Variants in RNF44 observed in about 807,000 individuals in gnomAD.
RNF44 encodes ring finger protein 44.
In RNF44, 25 loss-of-function variants were observed where a neutral mutation model predicts 53.6. The observed-to-expected ratio is 0.47, with a 90% CI of 0.34 to 0.65. The LOEUF is 0.65. Among genes scored for constraint, RNF44 ranks in the 30% least tolerant of loss-of-function variants. RNF44 has a pLI of 0.01. For synonymous variants in RNF44, 282 were observed against 252.2 expected (o/e 1.12, Z -1.12); for missense variants, 581 against 595.5 (o/e 0.98, Z 0.25).
chr5:176,535,198 T>C (rs1415886431), intron 1 of RNF44, among the ~76,000 whole-genome samples: 1 of 152,200 alleles, frequency 6.6e-6, no homozygotes, highest in Admixed American at 6.5e-5. Flanking sequence ...AGCCTCAGTA[T>C]CTTCATCTGT....
chr5:176,533,523 G>A (rs887153557), intron 1 of RNF44, among the ~76,000 whole-genome samples: 1 of 152,180 alleles, frequency 6.6e-6, no homozygotes, highest in African/African-American at 2.4e-5. Flanking sequence ...CCAGCCCCAG[G>A]CTTCATGGGA....
intron 1 of RNF44, among the ~76,000 whole-genome samples, chr5:176,532,763 A>AG (rs1554138175): frequency 1.4e-5 from 2 of 141,886 alleles, no homozygotes; most frequent in African/African-American, 2.8e-5. Context: ...AAAAAAAAAA[A>AG]AAAGAAAGAA....
chr5:176,529,934 G>C, intron 7 of RNF44, 116 bp from the exon 8 acceptor site: 1 of 1,382,834 alleles, frequency 7.2e-7, no homozygotes, highest in Non-Finnish European at 9.7e-7. Flanking sequence ...GGGGAAGGGA[G>C]CCCAGCTGGC....
chr5:176,542,718 G>C (rs1757478924), upstream of RNF44: 1 of 152,258 alleles, frequency 6.6e-6, no homozygotes, highest in Admixed American at 6.5e-5. Flanking sequence ...GTGACCTTGG[G>C]CAAGACACGG....
At chr5:176,542,590 G>T (rs539424259), upstream of RNF44, 2 of 152,312 alleles carry the variant, frequency 1.3e-5, no homozygotes, top group African/African-American at 4.8e-5. Flanking sequence ...GATCGAGGAA[G>T]ACAAGTCTAC....
At chr5:176,536,287 G>A (rs1397175498) in intron 1 of RNF44, 3 of 152,340 alleles carry the variant, frequency 2.0e-5, no homozygotes, top group Non-Finnish European at 2.9e-5. Context: ...CGCCTCAGTT[G>A]GCACAGCTAT....
rs1757272943 is a variant in RNF44, at chr5:176,537,119, T to G, written c.-224A>C. ...GGGCAGCCCGGCTCCTTCCGGGGCCTCTCTCTTTGTTGTCCGCCCGACGGC... is the reference window on the plus strand; with the variant it reads ...GGGCAGCCCGGCTCCTTCCGGGGCCGCTCTCTTTGTTGTCCGCCCGACGGC... On this transcript the variant is annotated 5_prime_UTR_variant, in exon 1 of 11. Coordinates refer to ENST00000274811, the MANE Select transcript of RNF44 (RefSeq NM_014901.5). 1 of 151,938 alleles carries G rather than the reference T, an allele frequency of 6.6e-6. No homozygotes were observed. The highest frequency in any genetic ancestry group is 6.6e-5 in the Admixed American group (1 of 15,264). 9.4% of individuals were successfully genotyped at this position (151,938 alleles called of 1,614,324 possible). A position where few individuals can be genotyped will look rare whatever the true frequency, so the allele number is the denominator to read the frequency against.
intron 6 of RNF44, 63 bp downstream of exon 6, chr5:176,530,519 C>G: frequency 7.4e-7 from 1 of 1,355,202 alleles, no homozygotes; most frequent in Non-Finnish European, 9.5e-7. Flanking sequence ...AGATGCAGGT[C>G]GGCCCAGCGG....
Position 176,532,440 on chromosome 5 carries a change from C to T in RNF44, c.33G>A (p.Trp11Ter), listed in dbSNP as rs989447147. The T allele has an allele frequency of 6.2e-7, 1 of 1,604,822 alleles. No homozygotes were observed. Among genetic ancestry groups the T allele is most frequent in the Non-Finnish European group, 8.5e-7 (1 of 1,178,172 alleles). Residue 11 changes from tryptophan (W) to a stop codon, truncating the protein, a stop_gained, in exon 2 of 11, where the codon TGG becomes TGA. Coordinates refer to ENST00000274811, the MANE Select transcript of RNF44 (RefSeq NM_014901.5). LOFTEE classifies it high-confidence loss of function. MRPWALAVTR[W>*]PPSAPVGQRR... Reference sequence around the variant, plus strand: ...GCTGGCCCACGGGGGCGGAGGGTGGCCACCTAGTCACTGCCAGAGCCCATG... The same window carrying T: ...GCTGGCCCACGGGGGCGGAGGGTGGTCACCTAGTCACTGCCAGAGCCCATG...
chr5:176,528,927 A>AT lies in RNF44; in HGVS notation c.*100_*101insA. ...GCTCTGGAAATGCAGGCAGGAGCGA[A>AT]GGGGCAGGCCTGGGCCACTCCCTCC... On this transcript the variant is annotated 3_prime_UTR_variant, in exon 11 of 11. Coordinates refer to ENST00000274811, the MANE Select transcript of RNF44 (RefSeq NM_014901.5). The AT allele has an allele frequency of 8.9e-7, 1 of 1,122,870 alleles. No individual in the cohort carries two copies. The highest frequency in any genetic ancestry group is 1.3e-6 in the Non-Finnish European group (1 of 782,256). 69.6% of individuals were successfully genotyped at this position (1,122,870 alleles called of 1,614,324 possible).
the RNF44 span, among the ~76,000 whole-genome samples, chr5:176,543,374 G>C: frequency 1.3e-5 from 2 of 149,562 alleles, no homozygotes; most frequent in Admixed American, 1.3e-4. This position sits in a 1 kb window ranked among gnomAD's most constrained non-coding sequence, Gnocchi z 4.0. Context: ...GCCCCTCTCC[G>C]GCCCGGTGCA....
At position 176,528,813 on chromosome 5, in the gene RNF44, A is replaced by G. The variant is rs890834; in HGVS notation, c.*215T>C. ...TCAGGCAGCTCCGTGGCGGGCGGGCAGGCAGGCAGACTAGGGAGGGAGTCT... is the reference window on the plus strand; with the variant it reads ...TCAGGCAGCTCCGTGGCGGGCGGGCGGGCAGGCAGACTAGGGAGGGAGTCT... On this transcript the variant is annotated 3_prime_UTR_variant, in exon 11 of 11. Coordinates refer to ENST00000274811, the MANE Select transcript of RNF44 (RefSeq NM_014901.5). 0.87 allele frequency: 504,835 copies of G among 578,644 alleles called. 221,459 individuals carry two copies. The highest frequency in any genetic ancestry group is 0.96 in the African/African-American group (50,838 of 53,092). 35.8% of individuals were successfully genotyped at this position (578,644 alleles called of 1,614,324 possible). A position where few individuals can be genotyped will look rare whatever the true frequency, so the allele number is the denominator to read the frequency against.
chr5:176,541,788 G>C (rs1581122017), upstream of RNF44, among the ~76,000 whole-genome samples: 1 of 152,170 alleles, frequency 6.6e-6, no homozygotes, highest in Non-Finnish European at 1.5e-5. Flanking sequence ...TCCCTCCAAA[G>C]AGGCAGGGCC....
Position 176,530,527 on chromosome 5 carries a change from C to CG in RNF44, c.801+54dup, listed in dbSNP as rs1756547506. The CG allele has an allele frequency of 2.9e-6, 4 of 1,367,752 alleles. No individual in the cohort carries two copies. In the South Asian group the frequency reaches 5.4e-5, roughly 18 times the overall value. 84.7% of individuals were successfully genotyped at this position (1,367,752 alleles called of 1,614,324 possible). On this transcript the variant is annotated intron_variant, in intron 6 of 10. Coordinates refer to ENST00000274811, the MANE Select transcript of RNF44 (RefSeq NM_014901.5). The stretch of plus-strand genomic sequence containing the variant: ...GGAGCCCAGATGCAGGTCGGCCCAG[C>CG]GGGTCTGCCTCCCAGCTGCCCTGGA...
In RNF44 at chr5:176,531,568, G is replaced by T. The variant is rs758124270; in HGVS notation, c.360C>A (p.Pro120=). ...CAGGGATGTGCTGGCCTGTAGGCAA[G>T]GGGAAGCCTTGGGTCGTCACTGTGG... The part of the protein sequence containing the change: ...TVTTVTTQGF[P]LPTGQHIPGC... Residue 120 remains proline (P), a synonymous_variant, in exon 4 of 11, where the codon CCC becomes CCA. Transcript: ENST00000274811. This position sits in a 1 kb window ranked among gnomAD's most constrained non-coding sequence, Gnocchi z 4.2. 8 of 1,613,414 alleles carry T rather than the reference G, an allele frequency of 5.0e-6. No individual in the cohort carries two copies. The highest frequency in any genetic ancestry group is 6.8e-6 in the Non-Finnish European group (8 of 1,179,800).
In RNF44 at chr5:176,528,966, GC is replaced by G. The variant is rs1756292630; in HGVS notation, c.*61del. The G allele has an allele frequency of 2.0e-6, 3 of 1,524,254 alleles. No homozygotes were observed. In the African/African-American group the frequency reaches 4.1e-5, roughly 21 times the overall value. The allele number at this position is 1,524,254 out of a possible 1,614,324, so 94.4% of individuals were successfully genotyped here. ...GCCACTCCCTCCCCATCCTCCCTGG[GC>G]CCCACCCACAAGTTTCCAGAGCTTC... On this transcript the variant is annotated 3_prime_UTR_variant, in exon 11 of 11. Coordinates refer to ENST00000274811, the MANE Select transcript of RNF44 (RefSeq NM_014901.5).
Position 176,536,394 on chromosome 5 carries a change from AG to A in RNF44, c.-45+545del, listed in dbSNP as rs1206808007. On this transcript the variant is annotated intron_variant, in intron 1 of 10. Transcript: ENST00000274811. Reference sequence around the variant, plus strand: ...GGTCACACTAGTGGGGGAGGAAACCAGGGTCCTGGGGAAGGGGGGGCTCCCC... The same window carrying A: ...GGTCACACTAGTGGGGGAGGAAACCAGGTCCTGGGGAAGGGGGGGCTCCCC... The A allele has an allele frequency of 2.6e-5, 4 of 152,324 alleles. 1 individual carries two copies. In the East Asian group the frequency reaches 7.7e-4, roughly 29 times the overall value. The allele number at this position is 152,324 out of a possible 1,614,324, so 9.4% of individuals were successfully genotyped here.
At chr5:176,539,372 C>T (rs770853676), upstream of RNF44, among the ~76,000 whole-genome samples, 3 of 152,184 alleles carry the variant, frequency 2.0e-5, no homozygotes, top group Non-Finnish European at 4.4e-5. Flanking sequence ...TTTTGTTTTC[C>T]CCACCACATA....
rs1483185934 is a variant in RNF44 at position 176,536,938 on chromosome 5, A to G, written c.-45+2T>C. 7.7e-6 allele frequency: 1 copy of G among 129,284 alleles called. No individual in the cohort carries two copies. Among genetic ancestry groups the G allele is most frequent in the African/African-American group, 2.9e-5 (1 of 34,100 alleles). The allele number at this position is 129,284 out of a possible 1,614,324, so 8.0% of individuals were successfully genotyped here. A position where few individuals can be genotyped will look rare whatever the true frequency, so the allele number is the denominator to read the frequency against. On this transcript the variant is annotated splice_donor_variant, in intron 1 of 10. Transcript: ENST00000274811. LOFTEE classifies it low-confidence loss of function (5UTR_SPLICE). ...AAGTTGGGGGCCCTGGCACCGACTC[A>G]CCTTTGGCCGCCCGGCCACACGTTG... is the stretch of plus-strand genomic sequence containing the variant.
Sources: allele counts gnomAD v4.1 joint callset (sites outside exome capture counted in the v4.1 genomes callset), GRCh38; gene constraint gnomAD v4.1.1; non-coding constraint Gnocchi (gnomAD v3.1); transcripts MANE v1.5; gene names NCBI Gene and HGNC (gene_info 2026-07-23, HGNC 2026-07-21).